DYRK1A: variants seen among roughly 807,000 people sequenced by gnomAD.
DYRK1A encodes the protein dual specificity tyrosine-phosphorylation-regulated kinase 1A.
In DYRK1A, 9 loss-of-function variants were observed where a neutral mutation model predicts 79.7. The observed-to-expected ratio is 0.11, with a 90% CI of 0.07 to 0.20. DYRK1A has a LOEUF of 0.20. Among genes scored for constraint, DYRK1A ranks in the 10% least tolerant of loss-of-function variants. The probability of loss-of-function intolerance (pLI) is 1.00; values close to 1 mark genes in which losing one functional copy is unlikely to be tolerated. For missense variants in DYRK1A, 622 were observed against 956.0 expected, an observed-to-expected ratio of 0.65 and a Z score of 4.61; for synonymous variants, 349 against 329.7, an observed-to-expected ratio of 1.06 and a Z score of -0.63.
At chr21:37,366,291 C>T (rs1032563637), upstream of DYRK1A, 6 of 146,090 alleles carry the variant, frequency 4.1e-5, no homozygotes, top group African/African-American at 1.5e-4. Flanking sequence ...GCAGCCCGCC[C>T]CTCCCCCCGG....
At chr21:37,442,458 T>G (rs2051137144) in intron 2 of DYRK1A, among the ~76,000 whole-genome samples, 1 of 152,150 alleles carries the variant, frequency 6.6e-6, no homozygotes, top group Non-Finnish European at 1.5e-5. Context: ...CTGAGGTAGT[T>G]TTTATTGCTG....
At chr21:37,417,816 CT>C (rs1442827933) in intron 1 of DYRK1A, among the ~76,000 whole-genome samples, 4 of 152,004 alleles carry the variant, frequency 2.6e-5, no homozygotes, top group African/African-American at 9.7e-5. Flanking sequence ...GTTCGTAGAC[CT>C]TCACATTGCC....
intron 1 of DYRK1A, among the ~76,000 whole-genome samples, chr21:37,398,606 A>G (rs2050001286): frequency 6.6e-6 from 1 of 152,244 alleles, no homozygotes; most frequent in African/African-American, 2.4e-5. Context: ...AGTTTATAAA[A>G]TACCAAATGA....
intron 2 of DYRK1A, among the ~76,000 whole-genome samples, chr21:37,452,340 T>G: frequency 7.4e-6 from 1 of 135,076 alleles, no homozygotes; most frequent in South Asian, 2.6e-4. Flanking sequence ...AGAATGTAGT[T>G]AGATTGAGGG....
At chr21:37,422,126 AGATTT>A (rs2050492435) in intron 2 of DYRK1A, among the ~76,000 whole-genome samples, 1 of 152,184 alleles carries the variant, frequency 6.6e-6, no homozygotes, top group African/African-American at 2.4e-5. Flanking sequence ...TCTACAGATT[AGATTT>A]ATGATAAAAT....
intron 11 of DYRK1A, among the ~76,000 whole-genome samples, chr21:37,509,179 GT>G (rs1298899803): frequency 6.6e-6 from 1 of 152,108 alleles, no homozygotes; most frequent in Non-Finnish European, 1.5e-5. Flanking sequence ...TAGTTTATTA[GT>G]TTTTTGTATA....
chr21:37,389,525 TTTTG>T (rs1323219429), intron 1 of DYRK1A, among the ~76,000 whole-genome samples: 6 of 152,184 alleles, frequency 3.9e-5, no homozygotes, highest in African/African-American at 1.4e-4. Flanking sequence ...GACTGGTTTT[TTTTG>T]TTTGTTTTTT....
intron 1 of DYRK1A, among the ~76,000 whole-genome samples, chr21:37,398,701 C>T (rs915514996): frequency 2.0e-5 from 3 of 152,070 alleles, no homozygotes; most frequent in Non-Finnish European, 4.4e-5. Flanking sequence ...ATTGTCTGCC[C>T]GTATGGAAGT....
At chr21:37,429,397 A>G (rs1306068353) in intron 2 of DYRK1A, among the ~76,000 whole-genome samples, 1 of 152,168 alleles carries the variant, frequency 6.6e-6, no homozygotes, top group Non-Finnish European at 1.5e-5. Flanking sequence ...AAGAGTTTTA[A>G]TTGGTACACG....
chr21:37,472,922 T>G, intron 3 of DYRK1A, 42 bp downstream of exon 3: 1 of 1,372,670 alleles, frequency 7.3e-7, no homozygotes, highest in South Asian at 2.0e-5. Context: ...GGAATGGCAG[T>G]TTATTCCTTA....
intron 2 of DYRK1A, among the ~76,000 whole-genome samples, chr21:37,437,315 T>C (rs1405007640): frequency 2.0e-5 from 3 of 152,156 alleles, no homozygotes. Flanking sequence ...TATGAAAATG[T>C]GGTATTGAGT....
intron 2 of DYRK1A, among the ~76,000 whole-genome samples, chr21:37,463,738 G>C (rs767901451): frequency 3.9e-5 from 6 of 152,170 alleles, no homozygotes; most frequent in Non-Finnish European, 5.9e-5. Flanking sequence ...TCTTAATCAT[G>C]TGCCTTTATT....
At chr21:37,376,702 C>T (rs959898789) in intron 1 of DYRK1A, among the ~76,000 whole-genome samples, 1 of 151,978 alleles carries the variant, frequency 6.6e-6, no homozygotes, top group Non-Finnish European at 1.5e-5. Flanking sequence ...GGGAGTGTCC[C>T]TGTTTTCTTA....
intron 1 of DYRK1A, among the ~76,000 whole-genome samples, chr21:37,395,092 C>G (rs2049936881): frequency 6.6e-6 from 1 of 152,126 alleles, no homozygotes; most frequent in African/African-American, 2.4e-5. Context: ...AAATAGTTCT[C>G]TTCTTGATTC....
chr21:37,416,337 T>TA (rs1870254379), intron 1 of DYRK1A, among the ~76,000 whole-genome samples: 2 of 148,458 alleles, frequency 1.3e-5, no homozygotes, highest in Admixed American at 6.7e-5. Context: ...TTTTTTTTTT[T>TA]AAAGACTGTG....
intron 2 of DYRK1A, among the ~76,000 whole-genome samples, chr21:37,449,227 T>C (rs971608061): frequency 3.3e-5 from 5 of 152,232 alleles, no homozygotes; most frequent in African/African-American, 4.8e-5. Context: ...TCTAGGTAGA[T>C]AGTAATTTCT....
chr21:37,493,205 C>T lies in DYRK1A; in HGVS notation c.1071+42C>T, dbSNP rs2835772. Reference sequence around the variant, plus strand: ...TTTACAAATTCTGTTTTCATAATTTCTTTTTGTCTTTCATCTGTGACAGTG... The same window carrying T: ...TTTACAAATTCTGTTTTCATAATTTTTTTTTGTCTTTCATCTGTGACAGTG... On this transcript the variant is annotated intron_variant, in intron 8 of 11. Coordinates refer to ENST00000647188, the MANE Select transcript of DYRK1A (RefSeq NM_001347721.2). The T allele has an allele frequency of 2.6e-6, 4 of 1,547,966 alleles. No homozygotes were observed. The African/African-American group carries it at 5.4e-5, about 21-fold the overall frequency.
At chr21:37,427,852 C>T (rs1015706026) in intron 2 of DYRK1A, among the ~76,000 whole-genome samples, 2 of 151,968 alleles carry the variant, frequency 1.3e-5, no homozygotes, top group African/African-American at 2.4e-5. Context: ...AATATTAGAC[C>T]GAGTATGTTT....
chr21:37,402,313 C>T (rs2050067731), intron 1 of DYRK1A, among the ~76,000 whole-genome samples: 2 of 152,076 alleles, frequency 1.3e-5, no homozygotes, highest in African/African-American at 4.8e-5. Flanking sequence ...CTTTTTTTCC[C>T]TTCTTACAAA....
Sources: gnomAD v4.1 joint callset for allele counts (sites outside exome capture counted in the v4.1 genomes callset) on GRCh38, gnomAD v4.1.1 for gene constraint, MANE v1.5 for transcripts, NCBI Gene and HGNC (gene_info 2026-07-23, HGNC 2026-07-21) for gene names.